The following MEAK7 variants were observed in gnomAD, a reference collection of about 807,000 sequenced individuals.
MEAK7 encodes MTOR-associated protein MEAK7.
MEAK7 carries 68 observed loss-of-function variants against 40.5 expected under a neutral mutation model. The ratio of observed to expected loss-of-function variants is 1.68; its 90% CI spans 1.38 to 2.06. MEAK7 has a LOEUF of 2.06. Among genes scored for constraint, MEAK7 ranks in the 30% most tolerant of loss-of-function variants. The pLI, the probability that MEAK7 is intolerant of heterozygous loss-of-function variation, is 0.00. For missense variants in MEAK7, 918 were observed against 580.5 expected, an observed-to-expected ratio of 1.58 and a Z score of -5.98; for synonymous variants, 338 against 231.9, an observed-to-expected ratio of 1.46 and a Z score of -4.16.
intron 1 of MEAK7, chr16:84,503,833 T>A (rs1914685370): frequency 3.3e-5 from 23 of 696,282 alleles, no homozygotes; most frequent in Non-Finnish European, 3.9e-5. Flanking sequence ...AATGGCTTAG[T>A]CACCTCCTGC....
chr16:84,481,045 G>A (rs773581221), intron 6 of MEAK7, among the ~76,000 whole-genome samples: 8 of 131,058 alleles, frequency 6.1e-5, no homozygotes, highest in African/African-American at 2.0e-4. Flanking sequence ...CCAGGGCCCC[G>A]CCCAGTTAAG....
At chr16:84,495,552 C>G in intron 3 of MEAK7, 131 bp downstream of exon 3, 1 of 813,156 alleles carries the variant, frequency 1.2e-6, no homozygotes. Flanking sequence ...AAATAAACTC[C>G]GATTAATTGA....
intron 5 of MEAK7, among the ~76,000 whole-genome samples, chr16:84,485,402 A>T (rs1054370432): frequency 6.6e-6 from 1 of 152,222 alleles, no homozygotes; most frequent in Non-Finnish European, 1.5e-5. Flanking sequence ...TTCCAGCCAG[A>T]TGCCACCTAG....
Position 84,476,818 on chromosome 16 carries a change from G to A in MEAK7, c.*3095C>T, listed in dbSNP as rs1201954210. The A allele has an allele frequency of 1.3e-5, 2 of 152,186 alleles. No homozygotes were observed. Among genetic ancestry groups the A allele is most frequent in the Non-Finnish European group, 2.9e-5 (2 of 68,054 alleles). The allele number at this position is 152,186 out of a possible 1,614,324, so 9.4% of individuals were successfully genotyped here. On this transcript the variant is annotated 3_prime_UTR_variant, in exon 8 of 8. Coordinates refer to ENST00000343629, the MANE Select transcript of MEAK7 (RefSeq NM_020947.4). ...CATCAGTGCCTTTGCCTGTCAGGAG[G>A]GAAAATAGCTGGAGAAGAGGCAGGA...
In MEAK7 at chr16:84,490,443, C is replaced by CTT. The variant is rs770073812; in HGVS notation, c.385-1023_385-1022dup. Among the ~76,000 whole-genome samples, 145 of 93,828 alleles carry CTT rather than the reference C, an allele frequency of 1.5e-3. 19 individuals are homozygous for CTT. Among genetic ancestry groups the CTT allele is most frequent in the African/African-American group, 7.4e-3 (137 of 18,630 alleles). The allele number at this position is 93,828 out of a possible 152,430, so 61.6% of individuals were successfully genotyped here. ...CTGGGCGGCTAAGTTTCTGCCCCGC[C>CTT]TTTTTTTTTTTTTTTTTTTTTTTTT... is the stretch of plus-strand genomic sequence containing the variant. On this transcript the variant is annotated intron_variant, in intron 3 of 7. Coordinates refer to ENST00000343629, the MANE Select transcript of MEAK7 (RefSeq NM_020947.4).
In MEAK7 at chr16:84,476,954, C is replaced by T. The variant is rs1157420536; in HGVS notation, c.*2959G>A. On this transcript the variant is annotated 3_prime_UTR_variant, in exon 8 of 8. Transcript: ENST00000343629. ...TTGCCCAGGCTGGAGTGCAGTGGCACAATCACAGCTTATAGCAGCCTCAAC... is the reference window on the plus strand; with the variant it reads ...TTGCCCAGGCTGGAGTGCAGTGGCATAATCACAGCTTATAGCAGCCTCAAC... 1 of 152,228 alleles carries T rather than the reference C, an allele frequency of 6.6e-6. No homozygotes were observed. Among genetic ancestry groups the T allele is most frequent in the African/African-American group, 2.4e-5 (1 of 41,396 alleles). The allele number at this position is 152,228 out of a possible 1,614,324, so 9.4% of individuals were successfully genotyped here. A position where few individuals can be genotyped will look rare whatever the true frequency, so the allele number is the denominator to read the frequency against.
Position 84,501,152 on chromosome 16 carries a change from G to A in MEAK7, c.-25-3041C>T, listed in dbSNP as rs899776666. On this transcript the variant is annotated intron_variant, in intron 1 of 7. Transcript: ENST00000343629. ...AGGGGAAACAGAGACAAGGGCATGG[G>A]GATGGGTGTGGCCTGGGGGTGTAAC... Among the ~76,000 whole-genome samples the A allele has an allele frequency of 9.9e-5, 15 of 151,572 alleles. 4 individuals are homozygous for A. Among genetic ancestry groups the A allele is most frequent in the South Asian group, 4.2e-4 (2 of 4,784 alleles).
chr16:84,494,234 C>G lies in MEAK7; in HGVS notation c.384+1449G>C, dbSNP rs376277924. Among the ~76,000 whole-genome samples the G allele has an allele frequency of 4.6e-5, 7 of 152,176 alleles. No individual in the cohort carries two copies. In the South Asian group the frequency reaches 1.5e-3, roughly 32 times the overall value. On this transcript the variant is annotated intron_variant, in intron 3 of 7. Transcript: ENST00000343629. ...TTATTTTACAAATAAGTTGGTCCTA[C>G]TATGATTTTGTCTTTAATGAAAGTG...
At position 84,480,024 on chromosome 16, in the gene MEAK7, G is replaced by T. The variant is rs148206598; in HGVS notation, c.1260C>A (p.Ala420=). 1.5e-4 allele frequency: 233 copies of T among 1,592,360 alleles called. No individual in the cohort carries two copies. The highest frequency in any genetic ancestry group is 1.6e-4 in the South Asian group (14 of 89,206). Residue 420 remains alanine, a splice_region_variant and synonymous_variant, in exon 8 of 8, where the codon GCC becomes GCA. Coordinates refer to ENST00000343629, the MANE Select transcript of MEAK7 (RefSeq NM_020947.4). ...AVGDPSEEQL[A]KGNKSILDAD... is the part of the protein sequence containing the mutation. ...CATCCAGGATGCTCTTGTTGCCCTT[G>T]GCCTTGAGAAGAGAAGAAAGGGTGG... is the stretch of plus-strand genomic sequence containing the variant.
intron 1 of MEAK7, chr16:84,499,860 G>A (rs754136060): frequency 6.6e-6 from 1 of 152,240 alleles, no homozygotes; most frequent in Non-Finnish European, 1.5e-5. Context: ...AACGTAGCAA[G>A]ACCTCATCTC....
At position 84,489,457 on chromosome 16, in the gene MEAK7, C is replaced by G. The variant is rs370003821; in HGVS notation, c.385-35G>C. On this transcript the variant is annotated intron_variant, in intron 3 of 7. Coordinates refer to ENST00000343629, the MANE Select transcript of MEAK7 (RefSeq NM_020947.4). The stretch of plus-strand genomic sequence containing the variant: ...CACAATTTTACCATTAAAAACAGTT[C>G]CACCATATCCTGAGACCTATGTCAT... The G allele has an allele frequency of 1.0e-5, 16 of 1,577,564 alleles. No individual in the cohort carries two copies. In the African/African-American group the frequency reaches 2.0e-4, roughly 20 times the overall value.
rs201654596 is a variant in MEAK7 at position 84,486,813 on chromosome 16, G to C, written c.776C>G (p.Pro259Arg). 9.7e-5 allele frequency: 156 copies of C among 1,613,914 alleles called. No individual in the cohort carries two copies. Among genetic ancestry groups the C allele is most frequent in the Middle Eastern group, 1.6e-4 (1 of 6,084 alleles). ...LSVMYINAQLPREQRHRWCLL... is the reference protein window; with the variant it reads ...LSVMYINAQLRREQRHRWCLL... The stretch of plus-strand genomic sequence containing the variant: ...GCACCAGCGGTGCCGCTGCTCCCGA[G>C]GCAGCTGGGCGTTGATGTACATGAC... The change falls in exon 5 of 8, where the codon CCT (proline) becomes CGT (arginine). Residue 259 changes from proline (P) to arginine (R), a missense_variant. By Grantham distance (103) the Pro-to-Arg change is moderately radical (BLOSUM62 -2). Coordinates refer to ENST00000343629, the MANE Select transcript of MEAK7 (RefSeq NM_020947.4).
intron 7 of MEAK7, 121 bp downstream of exon 7, chr16:84,480,408 A>G (rs981215870): frequency 5.1e-6 from 6 of 1,187,382 alleles, no homozygotes; most frequent in Non-Finnish European, 6.9e-6. Flanking sequence ...ATCAGCTACC[A>G]GGATCAAATT....
intron 1 of MEAK7, among the ~76,000 whole-genome samples, chr16:84,501,934 C>G (rs1209227281): frequency 1.3e-5 from 2 of 152,114 alleles, no homozygotes; most frequent in African/African-American, 4.8e-5. Context: ...CTCCTGAGGT[C>G]GGGAGTTCGA....
At position 84,480,006 on chromosome 16, in the gene MEAK7, G is replaced by A; in HGVS notation, c.1278C>T (p.Ile426=). The A allele has an allele frequency of 6.2e-7, 1 of 1,606,214 alleles. No homozygotes were observed. Among genetic ancestry groups the A allele is most frequent in the South Asian group, 1.1e-5 (1 of 90,324 alleles). ...EEQLAKGNKS[I]LDADPEAQAL... is the part of the protein sequence containing the mutation. The stretch of plus-strand genomic sequence containing the variant: ...CCTGGGCCTCAGGGTCCGCATCCAG[G>A]ATGCTCTTGTTGCCCTTGGCCTTGA... The change falls in exon 8 of 8, where the codon ATC becomes ATT. Residue 426 remains isoleucine (I), a synonymous_variant. Transcript: ENST00000343629.
rs2150616924 is a variant in MEAK7 at position 84,477,110 on chromosome 16, G to A, written c.*2803C>T. Reference sequence around the variant, plus strand: ...GGTTTTCGCCATGTTGCCCAGGCTGGTCTTGAACTCCTGGGCTCAAGCAAT... The same window carrying A: ...GGTTTTCGCCATGTTGCCCAGGCTGATCTTGAACTCCTGGGCTCAAGCAAT... On this transcript the variant is annotated 3_prime_UTR_variant, in exon 8 of 8. Coordinates refer to ENST00000343629, the MANE Select transcript of MEAK7 (RefSeq NM_020947.4). 1 of 152,378 alleles carries A rather than the reference G, an allele frequency of 6.6e-6. No individual in the cohort carries two copies. Among genetic ancestry groups the A allele is most frequent in the South Asian group, 2.1e-4 (1 of 4,836 alleles). The allele number at this position is 152,378 out of a possible 1,614,324, so 9.4% of individuals were successfully genotyped here. A position where few individuals can be genotyped will look rare whatever the true frequency, so the allele number is the denominator to read the frequency against.
In MEAK7 at chr16:84,479,930, C is replaced by A; in HGVS notation, c.1354G>T (p.Val452Phe). 2 of 1,605,434 alleles carry A rather than the reference C, an allele frequency of 1.2e-6. No individual in the cohort carries two copies. Among genetic ancestry groups the A allele is most frequent in the Non-Finnish European group, 1.7e-6 (2 of 1,173,772 alleles). Residue 452 changes from valine to phenylalanine, a missense_variant, in exon 8 of 8, where the codon GTC (valine) becomes TTC (phenylalanine). By Grantham distance (50) the Val-to-Phe change is conservative. Transcript: ENST00000343629. ...HSRHSEGLRE[V>F]PDDE ...GCGGCTCCTCATTCATCGTCCGGGA[C>A]TTCCCGGAGCCCTTCGCTGTGGCGC...
In MEAK7 at chr16:84,498,063, C is replaced by A; in HGVS notation, c.24G>T (p.Val8=). ...GAAACTGTGAACAAAAGCTCCGCCCCACACGGCTTCTGCTGTTCCCCATCT... is the reference window on the plus strand; with the variant it reads ...GAAACTGTGAACAAAAGCTCCGCCCAACACGGCTTCTGCTGTTCCCCATCT... The part of the protein sequence containing the change: MGNSRSR[V]GRSFCSQFLP... The change falls in exon 2 of 8, where the codon GTG becomes GTT. Residue 8 remains valine, a synonymous_variant. Coordinates refer to ENST00000343629, the MANE Select transcript of MEAK7 (RefSeq NM_020947.4). 6.2e-7 allele frequency: 1 copy of A among 1,613,186 alleles called. No homozygotes were observed. Among genetic ancestry groups the A allele is most frequent in the Middle Eastern group, 1.7e-4 (1 of 6,060 alleles).
chr16:84,501,624 C>T (rs1427912747), intron 1 of MEAK7, among the ~76,000 whole-genome samples: 1 of 152,158 alleles, frequency 6.6e-6, no homozygotes, highest in Non-Finnish European at 1.5e-5. Context: ...GACGCAGAGC[C>T]AGGCTGGCAA....
Sources: allele counts gnomAD v4.1 joint callset (sites outside exome capture counted in the v4.1 genomes callset), GRCh38; gene constraint gnomAD v4.1.1; transcripts MANE v1.5; gene names NCBI Gene and HGNC (gene_info 2026-07-23, HGNC 2026-07-21).